The following LARS1 variants were observed in gnomAD, a reference collection of about 807,000 sequenced individuals.
LARS1 encodes leucyl-tRNA synthetase 1.
Under a neutral mutation model 162.8 loss-of-function variants are expected in LARS1, and 100 were observed. The ratio of observed to expected loss-of-function variants is 0.61; its 90% CI spans 0.52 to 0.73. LARS1 has a LOEUF of 0.73. Ranked by LOEUF, LARS1 falls within the 30% of genes least tolerant of loss-of-function variation. The probability of loss-of-function intolerance (pLI) is 0.00; values close to 1 mark genes in which losing one functional copy is unlikely to be tolerated. For missense variants in LARS1, 1,258 were observed against 1,408.9 expected, an observed-to-expected ratio of 0.89 and a Z score of 1.71; for synonymous variants, 457 against 462.8, an observed-to-expected ratio of 0.99 and a Z score of 0.16.
At chr5:146,158,276 A>G (rs1467126970) in intron 8 of LARS1, among the ~76,000 whole-genome samples, 4 of 152,240 alleles carry the variant, frequency 2.6e-5, no homozygotes, top group Non-Finnish European at 4.4e-5. Flanking sequence ...AATGCTTTGA[A>G]AAATCTACAA....
chr5:146,174,504 A>C (rs55723048), intron 2 of LARS1, among the ~76,000 whole-genome samples: 1 of 10,522 alleles, frequency 9.5e-5, no homozygotes, highest in Non-Finnish European at 1.5e-4. Context: ...ATATATCCAT[A>C]TATATATATA....
In LARS1 at chr5:146,132,718, T is replaced by A. The variant is rs181285480; in HGVS notation, c.2396+180A>T. The A allele has an allele frequency of 8.5e-4, 396 of 467,086 alleles. 4 individuals carry two copies. Among genetic ancestry groups the A allele is most frequent in the African/African-American group, 7.5e-3 (376 of 50,036 alleles). The allele number at this position is 467,086 out of a possible 1,614,324, so 28.9% of individuals were successfully genotyped here. ...AGGTTGCTTTGAGGTTAAAGTCAGA[T>A]AATGGACACAAAATACTTAGCATAG... is the stretch of plus-strand genomic sequence containing the variant. On this transcript the variant is annotated intron_variant, in intron 23 of 31. Coordinates refer to ENST00000394434, the MANE Select transcript of LARS1 (RefSeq NM_020117.11).
chr5:146,166,042 A>C (rs546505837), intron 5 of LARS1, among the ~76,000 whole-genome samples: 2 of 152,348 alleles, frequency 1.3e-5, no homozygotes, highest in South Asian at 4.1e-4. Context: ...GGCTTAGCAG[A>C]CATAAATATA....
At chr5:146,151,781 A>G in intron 14 of LARS1, 81 bp downstream of exon 14, 1 of 1,289,378 alleles carries the variant, frequency 7.8e-7, no homozygotes, top group South Asian at 1.3e-5. Context: ...ACTATGTTAA[A>G]TTTTTCTACA....
At chr5:146,153,127 C>A in intron 13 of LARS1, 47 bp downstream of exon 13, 1 of 1,409,822 alleles carries the variant, frequency 7.1e-7, no homozygotes, top group South Asian at 1.2e-5. Flanking sequence ...TTCTTTTTCT[C>A]TGATAAAGAG....
chr5:146,135,248 C>T (rs1377317560), intron 22 of LARS1, among the ~76,000 whole-genome samples: 2 of 151,520 alleles, frequency 1.3e-5, no homozygotes, highest in Non-Finnish European at 2.9e-5. Context: ...AACTCCTGAC[C>T]TCAGGTGATA....
At chr5:146,182,406 T>C in intron 1 of LARS1, 82 bp downstream of exon 1, 1 of 1,568,814 alleles carries the variant, frequency 6.4e-7, no homozygotes. Flanking sequence ...GGACTTTCCC[T>C]TCAGGACAGC....
At chr5:146,141,081 CT>C (rs1386493336) in intron 20 of LARS1, among the ~76,000 whole-genome samples, 1 of 152,108 alleles carries the variant, frequency 6.6e-6, no homozygotes, top group Non-Finnish European at 1.5e-5. Flanking sequence ...TCACTTTTAA[CT>C]TTTTGCCTTT....
At chr5:146,125,981 G>C (rs184332589) in intron 28 of LARS1, among the ~76,000 whole-genome samples, 2 of 152,076 alleles carry the variant, frequency 1.3e-5, no homozygotes, top group East Asian at 3.9e-4. Context: ...CAGTGCACAA[G>C]AAAGTGCCCC....
intron 1 of LARS1, among the ~76,000 whole-genome samples, chr5:146,178,059 T>C (rs1001697360): frequency 6.6e-6 from 1 of 151,704 alleles, no homozygotes; most frequent in Non-Finnish European, 1.5e-5. Context: ...GATCATGCCA[T>C]TGCACTCCAG....
chr5:146,162,540 G>C (rs1485164756), intron 6 of LARS1, among the ~76,000 whole-genome samples: 5 of 152,104 alleles, frequency 3.3e-5, no homozygotes, highest in Admixed American at 3.3e-4. Flanking sequence ...GCATAGAGTA[G>C]ATTTGGCACC....
chr5:146,160,173 TACA>T (rs1753715242), intron 7 of LARS1, among the ~76,000 whole-genome samples, 198 bp downstream of exon 7: 1 of 152,042 alleles, frequency 6.6e-6, no homozygotes, highest in Non-Finnish European at 1.5e-5. Flanking sequence ...TAGCTAGGAC[TACA>T]GGTGCATGCC....
At position 146,114,232 on chromosome 5, in the gene LARS1, G is replaced by A. The variant is rs1300113550; in HGVS notation, c.3405C>T (p.Tyr1135=). ...PRRVPVLGKE[Y]TEKTPISEHA... is the part of the protein sequence containing the mutation. ...GCTCAGAAATGGGGGTCTTCTCGGT[G>A]TACTCCTTTCCCAGGACAGGAACTC... Residue 1135 remains tyrosine, a synonymous_variant, in exon 32 of 32, where the codon TAC becomes TAT. Coordinates refer to ENST00000394434, the MANE Select transcript of LARS1 (RefSeq NM_020117.11). 6 of 1,613,582 alleles carry A rather than the reference G, an allele frequency of 3.7e-6. No individual in the cohort carries two copies. The highest frequency in any genetic ancestry group is 2.7e-5 in the African/African-American group (2 of 74,770).
At chr5:146,176,248 T>A (rs1361485370) in intron 2 of LARS1, among the ~76,000 whole-genome samples, 1 of 151,484 alleles carries the variant, frequency 6.6e-6, no homozygotes, top group East Asian at 1.9e-4. Flanking sequence ...GGTCAGGAAA[T>A]CGAGACCATC....
rs56085614 is a variant in LARS1 at position 146,177,826 on chromosome 5, G to A, written c.7-161C>T. Among the ~76,000 whole-genome samples, 72 of 152,228 alleles carry A rather than the reference G, an allele frequency of 4.7e-4. 1 individual carries two copies. Among genetic ancestry groups the A allele is most frequent in the African/African-American group, 1.7e-3 (69 of 41,552 alleles). On this transcript the variant is annotated intron_variant, in intron 1 of 31. Coordinates refer to ENST00000394434, the MANE Select transcript of LARS1 (RefSeq NM_020117.11). Reference sequence around the variant, plus strand: ...TAAAAATTAGGGTTATCAGCCAGGCGCGGTGGCTCATGCGTGTAATCCCAG... The same window carrying A: ...TAAAAATTAGGGTTATCAGCCAGGCACGGTGGCTCATGCGTGTAATCCCAG...
chr5:146,180,516 AT>A (rs780012351), intron 1 of LARS1, among the ~76,000 whole-genome samples: 1 of 152,146 alleles, frequency 6.6e-6, no homozygotes, highest in Non-Finnish European at 1.5e-5. Context: ...CAAAAAAAAA[AT>A]AAAAATAAAA....
intron 31 of LARS1, among the ~76,000 whole-genome samples, chr5:146,118,446 T>A (rs971743949): frequency 1.3e-5 from 2 of 152,178 alleles, no homozygotes; most frequent in African/African-American, 4.8e-5. Context: ...TACTGTTCCA[T>A]TACACAGTAG....
rs376605230 is a variant in LARS1, at chr5:146,147,277, C to A, written c.1503+2345G>T. 6.6e-4 allele frequency among the ~76,000 whole-genome samples: 101 copies of A among 152,122 alleles called. 1 individual carries two copies. In the South Asian group the frequency reaches 0.02, roughly 30 times the overall value. On this transcript the variant is annotated intron_variant, in intron 15 of 31. Transcript: ENST00000394434. Reference sequence around the variant, plus strand: ...TCTATGAAACAACAACAGCATCCTACAACAAATCAGCCAGGCATGGAGGCA... The same window carrying A: ...TCTATGAAACAACAACAGCATCCTAAAACAAATCAGCCAGGCATGGAGGCA...
At chr5:146,130,373 G>T in intron 24 of LARS1, 2 of 542,610 alleles carry the variant, frequency 3.7e-6, no homozygotes, top group East Asian at 3.4e-5. Flanking sequence ...CTCAAAAAAA[G>T]AATTTTTTTA....
Sources: gnomAD v4.1 joint callset for allele counts (sites outside exome capture counted in the v4.1 genomes callset) on GRCh38, gnomAD v4.1.1 for gene constraint, MANE v1.5 for transcripts, NCBI Gene and HGNC (gene_info 2026-07-23, HGNC 2026-07-21) for gene names.